Variants in CDH22 observed in about 807,000 individuals in gnomAD.
The protein encoded by CDH22 is cadherin 22.
A neutral mutation model predicts 58.4 loss-of-function variants in CDH22; 30 were observed. The ratio of observed to expected loss-of-function variants is 0.51; its 90% CI spans 0.38 to 0.70. The LOEUF (loss-of-function observed/expected upper bound fraction) is 0.70, where lower values mean the gene tolerates loss of function less well. CDH22 is among the 30% of genes least tolerant of loss of function. The pLI is 0.00. For missense variants in CDH22, 1,014 were observed against 1,233.9 expected (o/e 0.82, Z 2.67); for synonymous variants, 513 against 558.2 (o/e 0.92, Z 1.14).
chr20:46,190,252 G>A (rs893295485), intron 8 of CDH22, among the ~76,000 whole-genome samples: 2 of 152,190 alleles, frequency 1.3e-5, no homozygotes, highest in Admixed American at 1.3e-4. Context: ...CTTGAAGAAG[G>A]CCTTGTTAAA....
intron 4 of CDH22, among the ~76,000 whole-genome samples, chr20:46,218,532 G>A (rs1165734971): frequency 3.9e-5 from 6 of 152,194 alleles, no homozygotes; most frequent in African/African-American, 1.4e-4. Context: ...CATTTGTGGT[G>A]TATGGACATA....
At position 46,251,478 on chromosome 20, in the gene CDH22, C is replaced by A. The variant is rs1278861864; in HGVS notation, c.-184G>T. ...TGAACGCCGCCCAGCCGCGGGGGTACCCGGCTGGAGGGGGAGGGGGCGCGG... is the reference window on the plus strand; with the variant it reads ...TGAACGCCGCCCAGCCGCGGGGGTAACCGGCTGGAGGGGGAGGGGGCGCGG... On this transcript the variant is annotated 5_prime_UTR_variant, in exon 2 of 12. Coordinates refer to ENST00000537909, the MANE Select transcript of CDH22 (RefSeq NM_021248.3). This position sits in a 1 kb window ranked among gnomAD's most constrained non-coding sequence, Gnocchi z 6.7. 5 of 597,722 alleles carry A rather than the reference C, an allele frequency of 8.4e-6. No homozygotes were observed. The highest frequency in any genetic ancestry group is 7.8e-5 in the African/African-American group (4 of 51,052). 37.0% of individuals were successfully genotyped at this position (597,722 alleles called of 1,614,324 possible). A position where few individuals can be genotyped will look rare whatever the true frequency, so the allele number is the denominator to read the frequency against.
intron 8 of CDH22, among the ~76,000 whole-genome samples, chr20:46,191,226 G>A (rs1043205531): frequency 2.0e-5 from 3 of 152,124 alleles, no homozygotes; most frequent in African/African-American, 7.2e-5. Context: ...GAGTCCTGCT[G>A]AGTCCTGACT....
At position 46,293,043 on chromosome 20, in the gene CDH22, G is replaced by T. The variant is rs141372571; in HGVS notation, c.-400+15212C>A. Among the ~76,000 whole-genome samples, 709 of 152,182 alleles carry T rather than the reference G, an allele frequency of 4.7e-3. 6 individuals carry two copies. Among genetic ancestry groups the T allele is most frequent in the Non-Finnish European group, 3.7e-3 (254 of 68,008 alleles). ...TGTTTTTGTGGTCCACACAGTGCCT[G>T]GCACAGAGTAGATGCTCAGTATATG... On this transcript the variant is annotated intron_variant, in intron 1 of 11. Coordinates refer to ENST00000537909, the MANE Select transcript of CDH22 (RefSeq NM_021248.3).
intron 1 of CDH22, among the ~76,000 whole-genome samples, chr20:46,286,693 G>A (rs943403478): frequency 5.9e-5 from 9 of 152,172 alleles, no homozygotes; most frequent in East Asian, 3.9e-4. Flanking sequence ...CTGAGTGAGA[G>A]GGGGTGGGTG....
chr20:46,192,868 C>T (rs999891335), intron 8 of CDH22, among the ~76,000 whole-genome samples: 2 of 152,016 alleles, frequency 1.3e-5, no homozygotes, highest in African/African-American at 4.8e-5. Flanking sequence ...AAGGGGGTGT[C>T]AGGGTAGACA....
chr20:46,173,759 TATTG>T lies in CDH22; in HGVS notation c.*743_*746del, dbSNP rs1161474416. The T allele has an allele frequency of 6.6e-6, 1 of 152,322 alleles. No individual in the cohort carries two copies. The highest frequency in any genetic ancestry group is 1.5e-5 in the Non-Finnish European group (1 of 68,072). The allele number at this position is 152,322 out of a possible 1,614,324, so 9.4% of individuals were successfully genotyped here. A position where few individuals can be genotyped will look rare whatever the true frequency, so the allele number is the denominator to read the frequency against. ...AAGAATAGTAACAAAGGCTAGCATT[TATTG>T]AACACCTACTATGTGCCAGGCACTG... On this transcript the variant is annotated 3_prime_UTR_variant, in exon 12 of 12. Coordinates refer to ENST00000537909, the MANE Select transcript of CDH22 (RefSeq NM_021248.3).
intron 3 of CDH22, among the ~76,000 whole-genome samples, chr20:46,236,681 C>CTATCTATA (rs1555804350): frequency 3.8e-5 from 5 of 130,900 alleles, no homozygotes; most frequent in Admixed American, 7.7e-5. Context: ...ATCTATCTAT[C>CTATCTATA]TATATATACA....
In CDH22 at chr20:46,248,424, T is replaced by G. The variant is rs1176707483; in HGVS notation, c.255+2616A>C. Among the ~76,000 whole-genome samples the G allele has an allele frequency of 2.0e-5, 3 of 152,018 alleles. No homozygotes were observed. The East Asian group carries it at 5.8e-4, about 29-fold the overall frequency. On this transcript the variant is annotated intron_variant, in intron 2 of 11. Coordinates refer to ENST00000537909, the MANE Select transcript of CDH22 (RefSeq NM_021248.3). Reference sequence around the variant, plus strand: ...CATCAGTCCTTCCCTGTCTCCAGGGTTTTCCTGGACCAAAGGTCTTTTCCC... The same window carrying G: ...CATCAGTCCTTCCCTGTCTCCAGGGGTTTCCTGGACCAAAGGTCTTTTCCC...
chr20:46,252,260 C>T (rs2086381829), intron 1 of CDH22, among the ~76,000 whole-genome samples: 1 of 152,190 alleles, frequency 6.6e-6, no homozygotes, highest in Non-Finnish European at 1.5e-5. Flanking sequence ...ACACCAGCTT[C>T]TAGGGATACA....
At position 46,308,146 on chromosome 20, in the gene CDH22, C is replaced by A. The variant is rs1697741396; in HGVS notation, c.-400+109G>T. ...CTCCTGCGGCTGGAGGCTCGCCCCC[C>A]GCGCCGCCTGCCCGGCCGCTCCCGC... On this transcript the variant is annotated intron_variant, in intron 1 of 11. Transcript: ENST00000537909. This position sits in a 1 kb window ranked among gnomAD's most constrained non-coding sequence, Gnocchi z 4.3. 6.6e-6 allele frequency: 1 copy of A among 151,066 alleles called. No individual in the cohort carries two copies. The highest frequency in any genetic ancestry group is 1.5e-5 in the Non-Finnish European group (1 of 67,642). The allele number at this position is 151,066 out of a possible 1,614,324, so 9.4% of individuals were successfully genotyped here.
intron 8 of CDH22, among the ~76,000 whole-genome samples, chr20:46,188,540 G>T (rs2085842343): frequency 2.0e-5 from 3 of 152,320 alleles, no homozygotes; most frequent in African/African-American, 7.2e-5. Flanking sequence ...TAATAGGTCG[G>T]TGAAGAGACA....
At position 46,248,257 on chromosome 20, in the gene CDH22, T is replaced by C. The variant is rs2086344834; in HGVS notation, c.255+2783A>G. Among the ~76,000 whole-genome samples the C allele has an allele frequency of 2.0e-5, 3 of 152,144 alleles. No homozygotes were observed. The South Asian group carries it at 6.2e-4, about 31-fold the overall frequency. On this transcript the variant is annotated intron_variant, in intron 2 of 11. Coordinates refer to ENST00000537909, the MANE Select transcript of CDH22 (RefSeq NM_021248.3). ...GTGATAAAGGCTAGGTAGGGGCAGA[T>C]GAAGGCGTGAGTCAGCAGCCGGTTT...
chr20:46,245,378 C>A (rs2086320701), intron 2 of CDH22, among the ~76,000 whole-genome samples: 1 of 152,220 alleles, frequency 6.6e-6, no homozygotes, highest in Non-Finnish European at 1.5e-5. Context: ...CCACACCCTC[C>A]TCTAACTTCT....
chr20:46,215,755 C>T (rs980923791), intron 5 of CDH22, among the ~76,000 whole-genome samples: 2 of 152,254 alleles, frequency 1.3e-5, no homozygotes, highest in Non-Finnish European at 2.9e-5. Flanking sequence ...CTCTGCCCCA[C>T]CCCTTCCAGT....
At chr20:46,230,508 G>A (rs954622774) in intron 3 of CDH22, among the ~76,000 whole-genome samples, 1 of 152,102 alleles carries the variant, frequency 6.6e-6, no homozygotes, top group Non-Finnish European at 1.5e-5. Flanking sequence ...TCACAGCTGA[G>A]GAGACTGCTA....
chr20:46,268,996 TG>T (rs1695601143), intron 1 of CDH22, among the ~76,000 whole-genome samples: 1 of 152,188 alleles, frequency 6.6e-6, no homozygotes, highest in Non-Finnish European at 1.5e-5. Flanking sequence ...CCCCTAGTGA[TG>T]GGGAAATCAC....
rs1600720313 is a variant in CDH22 at position 46,262,405 on chromosome 20, G to GC, written c.-399-10713dup. ...AGGCTGACCTGGGGCCCCCAGTCTT[G>GC]CCCCCCGCCCCAGGCTATATGTCGA... On this transcript the variant is annotated intron_variant, in intron 1 of 11. Coordinates refer to ENST00000537909, the MANE Select transcript of CDH22 (RefSeq NM_021248.3). Among the ~76,000 whole-genome samples the GC allele has an allele frequency of 2.6e-5, 4 of 152,078 alleles. 1 individual carries two copies. In the South Asian group the frequency reaches 8.3e-4, roughly 32 times the overall value.
chr20:46,219,908 C>G (rs2086111759), intron 4 of CDH22: 1 of 152,142 alleles, frequency 6.6e-6, no homozygotes, highest in Non-Finnish European at 1.5e-5. Context: ...CCCTGGACAG[C>G]AGGGGCTGTA....
Sources: allele counts gnomAD v4.1 joint callset (sites outside exome capture counted in the v4.1 genomes callset), GRCh38; gene constraint gnomAD v4.1.1; non-coding constraint Gnocchi (gnomAD v3.1); transcripts MANE v1.5; gene names NCBI Gene and HGNC (gene_info 2026-07-23, HGNC 2026-07-21).